SCHIP1: variants seen among roughly 807,000 people sequenced by gnomAD.
SCHIP1 encodes the protein schwannomin-interacting protein 1.
In SCHIP1, 8 loss-of-function variants were observed where a neutral mutation model predicts 29.7. That is an observed-to-expected ratio of 0.27 (90% CI 0.16 to 0.49). SCHIP1 has a LOEUF of 0.49. SCHIP1 is among the 20% of genes least tolerant of loss of function. The pLI, the probability that SCHIP1 is intolerant of heterozygous loss-of-function variation, is 0.99. For missense variants in SCHIP1, 193 were observed against 294.6 expected, an observed-to-expected ratio of 0.66 and a Z score of 2.52; for synonymous variants, 76 against 94.9, an observed-to-expected ratio of 0.80 and a Z score of 1.16.
At chr3:159,800,621 A>C in the SCHIP1 span, among the ~76,000 whole-genome samples, 1 of 152,170 alleles carries the variant, frequency 6.6e-6, no homozygotes, top group Non-Finnish European at 1.5e-5. Context: ...GCCTTTACTG[A>C]CTGGTGGCCC....
chr3:159,445,923 G>T, the SCHIP1 span, among the ~76,000 whole-genome samples: 1 of 151,330 alleles, frequency 6.6e-6, no homozygotes, highest in Non-Finnish European at 1.5e-5. Context: ...TATACCTAAT[G>T]CTAAATGATG....
At chr3:159,600,219 G>A in the SCHIP1 span, among the ~76,000 whole-genome samples, 201 of 152,188 alleles carry the variant, frequency 1.3e-3, no homozygotes, top group African/African-American at 4.7e-3. Context: ...TATCTACCTG[G>A]GGATTGTTGA....
chr3:159,640,145 TA>T, the SCHIP1 span, among the ~76,000 whole-genome samples: 2 of 152,188 alleles, frequency 1.3e-5, no homozygotes, highest in Non-Finnish European at 2.9e-5. Context: ...GAGGGCCTGT[TA>T]TATTTTAGAG....
At chr3:159,509,827 TGA>T in the SCHIP1 span, among the ~76,000 whole-genome samples, 1 of 152,232 alleles carries the variant, frequency 6.6e-6, no homozygotes, top group Admixed American at 6.5e-5. Flanking sequence ...GAGTTTCTGC[TGA>T]GAGATCCTCT....
the SCHIP1 span, among the ~76,000 whole-genome samples, chr3:159,782,078 C>T: frequency 7.2e-5 from 11 of 152,336 alleles, no homozygotes; most frequent in East Asian, 2.1e-3. Context: ...GCTCTCCTCC[C>T]TGAAGTCCTG....
At chr3:159,523,505 T>A in the SCHIP1 span, among the ~76,000 whole-genome samples, 2 of 152,242 alleles carry the variant, frequency 1.3e-5, no homozygotes, top group Non-Finnish European at 2.9e-5. Context: ...AGTAAGTATC[T>A]GATTAAAATA....
the SCHIP1 span, among the ~76,000 whole-genome samples, chr3:159,699,966 G>C: frequency 2.0e-5 from 3 of 152,266 alleles, no homozygotes; most frequent in East Asian, 5.8e-4. Context: ...ATTATAACTA[G>C]AAAGATACAA....
chr3:159,282,037 G>T, the SCHIP1 span, among the ~76,000 whole-genome samples: 1 of 151,800 alleles, frequency 6.6e-6, no homozygotes, highest in Non-Finnish European at 1.5e-5. Context: ...AAGTTTTATG[G>T]TACAGTGTGA....
chr3:159,786,693 G>GTGTGTGTGTGTGTA, the SCHIP1 span, among the ~76,000 whole-genome samples: 64 of 147,020 alleles, frequency 4.4e-4, 1 homozygote, highest in Admixed American at 3.9e-3. Flanking sequence ...GTGTGTGTGT[G>GTGTGTGTGTGTGTA]TGTCTGCGCG....
the SCHIP1 span, among the ~76,000 whole-genome samples, chr3:159,467,429 A>G: frequency 6.6e-6 from 1 of 152,040 alleles, no homozygotes; most frequent in East Asian, 1.9e-4. Context: ...CCAAAAGCAC[A>G]TTTACAATTT....
the SCHIP1 span, among the ~76,000 whole-genome samples, chr3:159,583,199 C>T: frequency 5.3e-5 from 8 of 152,178 alleles, no homozygotes; most frequent in African/African-American, 1.4e-4. Context: ...AATCATTTCA[C>T]GGATTTTCTA....
the SCHIP1 span, among the ~76,000 whole-genome samples, chr3:159,712,986 T>C: frequency 2.4e-4 from 36 of 150,676 alleles, no homozygotes; most frequent in East Asian, 6.8e-3. Context: ...CAAAACCCCA[T>C]CTCTACTAAA....
chr3:159,615,076 T>A, the SCHIP1 span, among the ~76,000 whole-genome samples: 112 of 152,286 alleles, frequency 7.4e-4, no homozygotes, highest in South Asian at 0.012. Flanking sequence ...TACAATGCTT[T>A]GGTTAACTCT....
the SCHIP1 span, among the ~76,000 whole-genome samples, chr3:159,320,287 A>G: frequency 6.6e-6 from 1 of 152,292 alleles, no homozygotes; most frequent in Admixed American, 6.5e-5. Flanking sequence ...GGCCCCAGAG[A>G]GCTGCCTTGC....
At chr3:159,635,221 C>A in the SCHIP1 span, among the ~76,000 whole-genome samples, 1 of 152,152 alleles carries the variant, frequency 6.6e-6, no homozygotes, top group Non-Finnish European at 1.5e-5. Flanking sequence ...TATTTCACAA[C>A]CACAACTGCC....
At chr3:159,318,446 G>A in the SCHIP1 span, among the ~76,000 whole-genome samples, 1 of 152,192 alleles carries the variant, frequency 6.6e-6, no homozygotes, top group Non-Finnish European at 1.5e-5. Context: ...ACAACCAGGT[G>A]CACTGCTCAA....
chr3:159,426,246 A>C, the SCHIP1 span, among the ~76,000 whole-genome samples: 26 of 152,204 alleles, frequency 1.7e-4, no homozygotes, highest in Admixed American at 7.2e-4. Flanking sequence ...AATCCAGGAG[A>C]TGGTTTTTTG....
At chr3:159,506,920 T>C in the SCHIP1 span, among the ~76,000 whole-genome samples, 1 of 152,238 alleles carries the variant, frequency 6.6e-6, no homozygotes, top group African/African-American at 2.4e-5. Flanking sequence ...AGCTTTGTTT[T>C]TTGGCTTAGC....
chr3:159,453,372 G>A, the SCHIP1 span, among the ~76,000 whole-genome samples: 25 of 152,258 alleles, frequency 1.6e-4, no homozygotes, highest in South Asian at 1.0e-3. Flanking sequence ...ACTGCAAAGC[G>A]CTGCCTAAAG....
Sources: allele counts gnomAD v4.1 joint callset (sites outside exome capture counted in the v4.1 genomes callset), GRCh38; gene constraint gnomAD v4.1.1; transcripts MANE v1.5; gene names NCBI Gene and HGNC (gene_info 2026-07-23, HGNC 2026-07-21).